ACSL5: variants seen among roughly 807,000 people sequenced by gnomAD.
ACSL5 encodes the protein long-chain-fatty-acid--CoA ligase 5.
In ACSL5, 50 loss-of-function variants were observed where a neutral mutation model predicts 84.9. The ratio of observed to expected loss-of-function variants is 0.59; its 90% CI spans 0.47 to 0.75. ACSL5 has a LOEUF of 0.75. Ranked by LOEUF, ACSL5 falls within the 30% of genes least tolerant of loss-of-function variation. The pLI, the probability that ACSL5 is intolerant of heterozygous loss-of-function variation, is 0.00. For missense variants in ACSL5, 775 were observed against 830.4 expected, an observed-to-expected ratio of 0.93 and a Z score of 0.82; for synonymous variants, 280 against 300.7, an observed-to-expected ratio of 0.93 and a Z score of 0.71.
chr10:112,400,032 C>G (rs982675592), intron 3 of ACSL5, among the ~76,000 whole-genome samples: 1 of 152,138 alleles, frequency 6.6e-6, no homozygotes, highest in Non-Finnish European at 1.5e-5. Flanking sequence ...GATTTATTGT[C>G]AAGAAAACAT....
chr10:112,399,889 T>C (rs1564735663), intron 3 of ACSL5, among the ~76,000 whole-genome samples: 1 of 152,206 alleles, frequency 6.6e-6, no homozygotes, highest in Non-Finnish European at 1.5e-5. Context: ...TTCAAGACCA[T>C]TACCAAGGTC....
chr10:112,376,660 G>C (rs1233101617), intron 1 of ACSL5, among the ~76,000 whole-genome samples: 1 of 152,040 alleles, frequency 6.6e-6, no homozygotes, highest in Non-Finnish European at 1.5e-5. Flanking sequence ...GAAGGATGTG[G>C]GGCATGCATG....
At chr10:112,426,136 C>A in intron 18 of ACSL5, 122 bp from the exon 19 acceptor site, 1 of 728,052 alleles carries the variant, frequency 1.4e-6, no homozygotes, top group Non-Finnish European at 2.3e-6. Context: ...AACACTAGTA[C>A]TGGATTTAAG....
At chr10:112,412,629 A>C (rs1268144212) in intron 11 of ACSL5, 1 of 152,712 alleles carries the variant, frequency 6.5e-6, no homozygotes, top group Non-Finnish European at 1.5e-5. Context: ...ATGCCTCTTC[A>C]ACAAGCTCAT....
intron 19 of ACSL5, 108 bp from the exon 20 acceptor site, chr10:112,426,680 T>C (rs1844733300): frequency 1.0e-5 from 10 of 974,886 alleles, no homozygotes; most frequent in Non-Finnish European, 1.5e-5. Flanking sequence ...AGTTTTATAT[T>C]CCTGCTTTCA....
intron 3 of ACSL5, among the ~76,000 whole-genome samples, chr10:112,399,473 C>G (rs113517932): frequency 3.0e-3 from 462 of 152,280 alleles, no homozygotes; most frequent in African/African-American, 0.011. Context: ...CTTACCTTGT[C>G]CTTAACTCTG....
At chr10:112,398,499 G>A (rs185670595) in intron 2 of ACSL5, among the ~76,000 whole-genome samples, 5 of 151,818 alleles carry the variant, frequency 3.3e-5, no homozygotes, top group African/African-American at 4.8e-5. Flanking sequence ...CTGCCTCCCC[G>A]GTTCAAGCCA....
chr10:112,384,407 T>C (rs1471720438), intron 1 of ACSL5, among the ~76,000 whole-genome samples: 1 of 152,208 alleles, frequency 6.6e-6, no homozygotes, highest in East Asian at 1.9e-4. Flanking sequence ...AGCCCTTCAA[T>C]AGCTTTTGGC....
chr10:112,379,374 C>T (rs1437873867), intron 1 of ACSL5, among the ~76,000 whole-genome samples: 1 of 146,224 alleles, frequency 6.8e-6, no homozygotes, highest in Non-Finnish European at 1.5e-5. Context: ...CACTGCACTC[C>T]AGCCTGGGTG....
intron 14 of ACSL5, among the ~76,000 whole-genome samples, chr10:112,418,590 A>G (rs1180461983): frequency 6.6e-6 from 1 of 152,152 alleles, no homozygotes; most frequent in East Asian, 1.9e-4. Context: ...TCAAAAAAAT[A>G]AAAATAAAAA....
intron 1 of ACSL5, chr10:112,376,154 C>T (rs1298547643): frequency 2.8e-6 from 3 of 1,081,706 alleles, no homozygotes; most frequent in East Asian, 2.4e-5. Context: ...AGCTTCTCCC[C>T]TCCTGGTCAG....
chr10:112,425,637 T>C, intron 18 of ACSL5, 156 bp downstream of exon 18: 1 of 650,148 alleles, frequency 1.5e-6, no homozygotes, highest in East Asian at 3.3e-5. Flanking sequence ...AAACCTCAAA[T>C]AAGGCAATTT....
chr10:112,403,150 A>C (rs1189820329), intron 3 of ACSL5, among the ~76,000 whole-genome samples: 1 of 152,276 alleles, frequency 6.6e-6, no homozygotes, highest in East Asian at 1.9e-4. Context: ...ACTCTCATAC[A>C]AATGGGCAAA....
chr10:112,410,770 A>T, intron 9 of ACSL5, 135 bp downstream of exon 9: 1 of 844,576 alleles, frequency 1.2e-6, no homozygotes, highest in Non-Finnish European at 1.8e-6. Context: ...AAGGCTTCTA[A>T]GTGTGAATTC....
chr10:112,427,002 T>TA, intron 20 of ACSL5, 143 bp downstream of exon 20: 2 of 877,612 alleles, frequency 2.3e-6, no homozygotes, highest in Non-Finnish European at 3.5e-6. Flanking sequence ...CTTTTGTAGT[T>TA]ACTTGTACAG....
At chr10:112,426,486 T>C in intron 19 of ACSL5, 127 bp downstream of exon 19, 1 of 739,746 alleles carries the variant, frequency 1.4e-6, no homozygotes, top group Non-Finnish European at 2.3e-6. Context: ...TTTATGGGAC[T>C]CGGGGATAGG....
Position 112,409,097 on chromosome 10 carries a change from C to A in ACSL5, c.533-410C>A, listed in dbSNP as rs180856214. 2.3e-4 allele frequency: 40 copies of A among 171,324 alleles called. No individual in the cohort carries two copies. The East Asian group carries it at 5.5e-3, about 23-fold the overall frequency. The allele number at this position is 171,324 out of a possible 1,614,324, so 10.6% of individuals were successfully genotyped here. A position where few individuals can be genotyped will look rare whatever the true frequency, so the allele number is the denominator to read the frequency against. On this transcript the variant is annotated intron_variant, in intron 6 of 20. Coordinates refer to ENST00000354655, the MANE Select transcript of ACSL5 (RefSeq NM_203379.2). Reference sequence around the variant, plus strand: ...TTGAAACTTTAAACATGCATCAAAGCAAATGCTAAAATTTAGAATTGTAAA... The same window carrying A: ...TTGAAACTTTAAACATGCATCAAAGAAAATGCTAAAATTTAGAATTGTAAA...
intron 3 of ACSL5, 146 bp from the exon 4 acceptor site, chr10:112,404,365 C>T: frequency 1.6e-6 from 1 of 638,334 alleles, no homozygotes; most frequent in Admixed American, 2.9e-5. Flanking sequence ...TGCTTTCTGA[C>T]TTTGAATTTC....
At chr10:112,401,631 G>T (rs996290678) in intron 3 of ACSL5, among the ~76,000 whole-genome samples, 1 of 152,238 alleles carries the variant, frequency 6.6e-6, no homozygotes, top group South Asian at 2.1e-4. Context: ...AGAGTTTAAT[G>T]AGACCTGAGT....
Sources: gnomAD v4.1 joint callset for allele counts (sites outside exome capture counted in the v4.1 genomes callset) on GRCh38, gnomAD v4.1.1 for gene constraint, MANE v1.5 for transcripts, NCBI Gene and HGNC (gene_info 2026-07-23, HGNC 2026-07-21) for gene names.